GPC6: variants seen among roughly 807,000 people sequenced by gnomAD.
GPC6 encodes glypican 6.
Under a neutral mutation model 55.2 loss-of-function variants are expected in GPC6, and 14 were observed. The observed-to-expected ratio is 0.25, with a 90% CI of 0.17 to 0.40. The LOEUF (loss-of-function observed/expected upper bound fraction) is 0.40. Among genes scored for constraint, GPC6 ranks in the 10% least tolerant of loss-of-function variants. The pLI, the probability that GPC6 is intolerant of heterozygous loss-of-function variation, is 1.00. For synonymous variants in GPC6, 278 were observed against 259.6 expected (o/e 1.07, Z -0.68); for missense variants, 641 against 708.5 (o/e 0.90, Z 1.08).
chr13:94,184,876 T>C (rs1889117025), intron 4 of GPC6, among the ~76,000 whole-genome samples: 1 of 152,116 alleles, frequency 6.6e-6, no homozygotes, highest in Non-Finnish European at 1.5e-5. Flanking sequence ...TAATAGCAAA[T>C]ACATAGAATC....
chr13:93,902,604 G>T (rs534207427), intron 3 of GPC6, among the ~76,000 whole-genome samples: 32 of 152,184 alleles, frequency 2.1e-4, no homozygotes, highest in African/African-American at 7.5e-4. Context: ...CGGTAATTCT[G>T]TTTTTAATTT....
At position 94,029,404 on chromosome 13, in the gene GPC6, A is replaced by G. The variant is rs1205193901; in HGVS notation, c.877+1510A>G. On this transcript the variant is annotated intron_variant, in intron 4 of 8. Transcript: ENST00000377047. ...CAAAATGACATGATTCTTTACTAAG[A>G]TTTTTGTTCTTTGCTAAAATTGTGG... is the stretch of plus-strand genomic sequence containing the variant. Among the ~76,000 whole-genome samples the G allele has an allele frequency of 3.3e-5, 5 of 152,346 alleles. No individual in the cohort carries two copies. The East Asian group carries it at 9.6e-4, about 29-fold the overall frequency.
chr13:93,907,933 G>A (rs80003750), intron 3 of GPC6, among the ~76,000 whole-genome samples: 3,139 of 152,088 alleles, frequency 0.021, 50 homozygotes, highest in East Asian at 0.056. Flanking sequence ...CTCTTTACCT[G>A]TCTATTGGTA....
intron 2 of GPC6, among the ~76,000 whole-genome samples, chr13:93,790,542 T>C (rs773862338): frequency 1.6e-4 from 24 of 152,158 alleles, no homozygotes; most frequent in Admixed American, 4.6e-4. Context: ...TCTTTTGAGT[T>C]AGGAATAAAA....
chr13:93,949,056 C>T (rs953987326), intron 3 of GPC6, among the ~76,000 whole-genome samples: 1 of 152,146 alleles, frequency 6.6e-6, no homozygotes, highest in Admixed American at 6.6e-5. Flanking sequence ...ATACTTACCT[C>T]TTCTCCCAAC....
rs561801691 is a variant in GPC6 at position 93,798,095 on chromosome 13, G to A, written c.320-32059G>A. The stretch of plus-strand genomic sequence containing the variant: ...GTTACAAGGGGCAAGCTAGAGTGTG[G>A]AAGGCTTGAAAATGGGGTTATGGAA... On this transcript the variant is annotated intron_variant, in intron 2 of 8. Coordinates refer to ENST00000377047, the MANE Select transcript of GPC6 (RefSeq NM_005708.5). 7.2e-5 allele frequency among the ~76,000 whole-genome samples: 11 copies of A among 152,258 alleles called. No homozygotes were observed. In the South Asian group the frequency reaches 2.3e-3, roughly 32 times the overall value.
chr13:93,594,354 G>A (rs1877633389), intron 2 of GPC6, among the ~76,000 whole-genome samples: 1 of 151,912 alleles, frequency 6.6e-6, no homozygotes, highest in South Asian at 2.1e-4. Flanking sequence ...AGTGTGTGTT[G>A]TTCCCCTCTA....
intron 4 of GPC6, among the ~76,000 whole-genome samples, chr13:94,039,258 A>G (rs1469380747): frequency 6.6e-6 from 1 of 151,964 alleles, no homozygotes; most frequent in Non-Finnish European, 1.5e-5. Context: ...GACAAGGCAC[A>G]GGGTTTTTTT....
chr13:94,227,426 G>A (rs1566566953), intron 4 of GPC6, among the ~76,000 whole-genome samples: 1 of 152,174 alleles, frequency 6.6e-6, no homozygotes, highest in Non-Finnish European at 1.5e-5. Flanking sequence ...CCAAGCCAAG[G>A]ACACTGGGCC....
At chr13:93,233,802 G>A (rs545490450) in intron 1 of GPC6, among the ~76,000 whole-genome samples, 1 of 152,124 alleles carries the variant, frequency 6.6e-6, no homozygotes, top group African/African-American at 2.4e-5. Flanking sequence ...AGTGGGGAGA[G>A]GGGTGTGGGA....
chr13:94,097,604 A>G (rs1885715742), intron 4 of GPC6, among the ~76,000 whole-genome samples: 1 of 152,138 alleles, frequency 6.6e-6, no homozygotes, highest in Non-Finnish European at 1.5e-5. Context: ...GTCTCACAAC[A>G]ATGTGAATAT....
At chr13:94,275,173 T>C (rs536666203) in intron 4 of GPC6, among the ~76,000 whole-genome samples, 1 of 152,318 alleles carries the variant, frequency 6.6e-6, no homozygotes, top group Non-Finnish European at 1.5e-5. Context: ...AATACAGCAG[T>C]AACCAAAACA....
chr13:93,728,601 G>A (rs1594406483), intron 2 of GPC6, among the ~76,000 whole-genome samples: 2 of 150,678 alleles, frequency 1.3e-5, no homozygotes, highest in African/African-American at 2.4e-5. Context: ...GAGTCTCACT[G>A]TGTTGCCCAG....
intron 4 of GPC6, among the ~76,000 whole-genome samples, chr13:94,274,699 T>A (rs865829450): frequency 2.6e-5 from 4 of 151,952 alleles, no homozygotes; most frequent in African/African-American, 9.7e-5. Flanking sequence ...ACTTAGAGTC[T>A]TGAAAAGCAG....
At chr13:94,265,023 C>G (rs1891757159) in intron 4 of GPC6, among the ~76,000 whole-genome samples, 2 of 152,312 alleles carry the variant, frequency 1.3e-5, no homozygotes, top group Admixed American at 1.3e-4. Flanking sequence ...GTCCTACCCA[C>G]AACACGTGGG....
chr13:94,116,672 G>A (rs1180794786), intron 4 of GPC6, among the ~76,000 whole-genome samples: 1 of 152,004 alleles, frequency 6.6e-6, no homozygotes, highest in African/African-American at 2.4e-5. Context: ...GTTCACATTA[G>A]CGCTTACGTT....
At chr13:93,347,122 GC>G (rs2139158788) in intron 1 of GPC6, among the ~76,000 whole-genome samples, 1 of 152,208 alleles carries the variant, frequency 6.6e-6, no homozygotes, top group Non-Finnish European at 1.5e-5. Flanking sequence ...ATTTACAGAA[GC>G]ATCAAACTGA....
At chr13:94,196,465 T>C (rs932023041) in intron 4 of GPC6, among the ~76,000 whole-genome samples, 3 of 152,168 alleles carry the variant, frequency 2.0e-5, no homozygotes, top group Non-Finnish European at 4.4e-5. Flanking sequence ...TCAAGTGAAG[T>C]ATGTCCAAAA....
At chr13:93,849,679 C>A (rs554987049) in intron 3 of GPC6, among the ~76,000 whole-genome samples, 1 of 152,050 alleles carries the variant, frequency 6.6e-6, no homozygotes, top group African/African-American at 2.4e-5. Context: ...TCCCTTCTTG[C>A]CTTAGAATTC....
Sources: gnomAD v4.1 joint callset for allele counts (sites outside exome capture counted in the v4.1 genomes callset) on GRCh38, gnomAD v4.1.1 for gene constraint, MANE v1.5 for transcripts, NCBI Gene and HGNC (gene_info 2026-07-23, HGNC 2026-07-21) for gene names.